NAV1: variants seen among roughly 807,000 people sequenced by gnomAD.
NAV1 encodes pore membrane and/or filament interacting like protein 3.
In NAV1, 18 loss-of-function variants were observed where a neutral mutation model predicts 175.2. The observed-to-expected ratio is 0.10, with a 90% CI of 0.07 to 0.15. The LOEUF (loss-of-function observed/expected upper bound fraction) is 0.15, where lower values mean the gene tolerates loss of function less well. Ranked by LOEUF, NAV1 falls within the 10% of genes least tolerant of loss-of-function variation. The pLI is 1.00. For synonymous variants in NAV1, 897 were observed against 978.7 expected, an observed-to-expected ratio of 0.92 and a Z score of 1.56; for missense variants, 1,731 against 2,436.6, an observed-to-expected ratio of 0.71 and a Z score of 6.10.
chr1:201,542,021 T>C (rs1258510896), intron 1 of NAV1, among the ~76,000 whole-genome samples: 1 of 152,200 alleles, frequency 6.6e-6, no homozygotes, highest in Non-Finnish European at 1.5e-5. Flanking sequence ...AAAACCAGAA[T>C]GTCAAAGTTA....
At chr1:201,588,252 A>C (rs543360190) in intron 1 of NAV1, among the ~76,000 whole-genome samples, 2 of 152,386 alleles carry the variant, frequency 1.3e-5, no homozygotes, top group South Asian at 4.1e-4. Context: ...GTGCTGACAC[A>C]TGCTCCAACA....
intron 1 of NAV1, among the ~76,000 whole-genome samples, chr1:201,688,017 A>G (rs1032392968): frequency 2.0e-5 from 3 of 152,262 alleles, no homozygotes; most frequent in Non-Finnish European, 4.4e-5. Context: ...GAAAGTGACA[A>G]TGCAGATGAT....
At chr1:201,661,981 C>T (rs1669630207) in intron 1 of NAV1, among the ~76,000 whole-genome samples, 1 of 152,222 alleles carries the variant, frequency 6.6e-6, no homozygotes, top group African/African-American at 2.4e-5. Context: ...CTCTTATCCC[C>T]TTTTTAGCAA....
At chr1:201,712,639 C>T (rs1671956818) in intron 1 of NAV1, among the ~76,000 whole-genome samples, 178 bp from the exon 6 acceptor site, 1 of 152,124 alleles carries the variant, frequency 6.6e-6, no homozygotes, top group African/African-American at 2.4e-5. Context: ...TGGCACATGT[C>T]CAGGGCCTTT....
At chr1:201,689,940 G>T (rs191780103) in intron 1 of NAV1, among the ~76,000 whole-genome samples, 110 of 89,484 alleles carry the variant, frequency 1.2e-3, no homozygotes, top group South Asian at 1.7e-3. Flanking sequence ...AGTGTGTCTG[G>T]TTCCTCCGTG....
At chr1:201,803,504 TTC>T (rs1678069762) in intron 15 of NAV1, 87 bp from the exon 20 acceptor site, 1 of 1,433,146 alleles carries the variant, frequency 7.0e-7, no homozygotes, top group Non-Finnish European at 9.4e-7. Flanking sequence ...TGGTTCTCCT[TTC>T]TCTTATCTTC....
At chr1:201,540,912 G>A (rs528858123) in intron 1 of NAV1, among the ~76,000 whole-genome samples, 3 of 152,338 alleles carry the variant, frequency 2.0e-5, no homozygotes, top group Non-Finnish European at 4.4e-5. Context: ...ACGGTTGGAA[G>A]AATAAAGAAG....
At chr1:201,743,056 C>T (rs927446451) in intron 3 of NAV1, among the ~76,000 whole-genome samples, 3 of 152,076 alleles carry the variant, frequency 2.0e-5, no homozygotes, top group African/African-American at 4.8e-5. Flanking sequence ...TCACAACAAC[C>T]GTATGAGGTA....
chr1:201,609,412 C>A (rs1249646647), intron 2 of NAV1, among the ~76,000 whole-genome samples: 1 of 152,214 alleles, frequency 6.6e-6, no homozygotes, highest in African/African-American at 2.4e-5. Flanking sequence ...GGCCTCTGGG[C>A]TGGAGGGCTT....
rs747824640 is a variant in NAV1, at chr1:201,694,659, G to A, written c.758-18158G>A. Reference sequence around the variant, plus strand: ...AAAGATGAGAAGTGAACCGGGAGCCGTAAATAGCCAGGAGCCTGTGTTCTC... The same window carrying A: ...AAAGATGAGAAGTGAACCGGGAGCCATAAATAGCCAGGAGCCTGTGTTCTC... On this transcript the variant is annotated intron_variant, in intron 1 of 29. Coordinates refer to ENST00000367296, the Ensembl canonical transcript of NAV1. This position sits in a 1 kb window ranked among gnomAD's most constrained non-coding sequence, Gnocchi z 4.2. Among the ~76,000 whole-genome samples the A allele has an allele frequency of 3.2e-4, 48 of 152,310 alleles. No homozygotes were observed. The highest frequency in any genetic ancestry group is 6.0e-4 in the African/African-American group (25 of 41,582).
At chr1:201,687,900 C>T (rs1316958103) in intron 1 of NAV1, among the ~76,000 whole-genome samples, 1 of 152,186 alleles carries the variant, frequency 6.6e-6, no homozygotes, top group Non-Finnish European at 1.5e-5. Flanking sequence ...TCTCATTTTC[C>T]CTCCAACCAC....
chr1:201,685,380 G>GT (rs1670644498), intron 1 of NAV1, among the ~76,000 whole-genome samples: 1 of 152,222 alleles, frequency 6.6e-6, no homozygotes, highest in African/African-American at 2.4e-5. Context: ...GAGAAACTCA[G>GT]ACCAGCCCCA....
At chr1:201,695,856 C>G (rs1447611634) in intron 1 of NAV1, among the ~76,000 whole-genome samples, 1 of 152,238 alleles carries the variant, frequency 6.6e-6, no homozygotes, top group African/African-American at 2.4e-5. Flanking sequence ...GGCAGGAGCT[C>G]CGGCTGCACC....
intron 1 of NAV1, among the ~76,000 whole-genome samples, chr1:201,585,074 G>A (rs1041054744): frequency 5.9e-5 from 9 of 152,026 alleles, no homozygotes; most frequent in African/African-American, 1.7e-4. Flanking sequence ...TTCCCCATTC[G>A]GGTAGTTTTC....
At chr1:201,757,282 G>C (rs1048648383) in intron 3 of NAV1, among the ~76,000 whole-genome samples, 7 of 152,032 alleles carry the variant, frequency 4.6e-5, no homozygotes, top group East Asian at 1.9e-4. Context: ...TCTTTCGACT[G>C]TCTTGCTCTG....
At chr1:201,593,943 T>C (rs776778008) in intron 2 of NAV1, among the ~76,000 whole-genome samples, 2 of 152,152 alleles carry the variant, frequency 1.3e-5, no homozygotes, top group Non-Finnish European at 2.9e-5. Context: ...CTTCAGGCCC[T>C]GAGGGGTCAG....
chr1:201,621,383 G>T (rs1489295154), upstream of NAV1, among the ~76,000 whole-genome samples: 4 of 146,416 alleles, frequency 2.7e-5, no homozygotes, highest in South Asian at 6.5e-4. Context: ...ACCCAGGCTG[G>T]AGTGCAGTGG....
At chr1:201,624,262 C>A (rs1668260053) in intron 1 of NAV1, among the ~76,000 whole-genome samples, 1 of 147,310 alleles carries the variant, frequency 6.8e-6, no homozygotes, top group South Asian at 2.2e-4. Context: ...AGATGGCCAA[C>A]AAGCTAGTAC....
chr1:201,541,088 C>T (rs1665500684), intron 1 of NAV1, among the ~76,000 whole-genome samples: 1 of 152,206 alleles, frequency 6.6e-6, no homozygotes, highest in South Asian at 2.1e-4. Context: ...GTCTCACATT[C>T]TGCTTTGCAT....
Sources: allele counts gnomAD v4.1 joint callset (sites outside exome capture counted in the v4.1 genomes callset), GRCh38; gene constraint gnomAD v4.1.1; non-coding constraint Gnocchi (gnomAD v3.1); transcripts MANE v1.5; gene names NCBI Gene and HGNC (gene_info 2026-07-23, HGNC 2026-07-21).